PCDHA12: variants seen among roughly 807,000 people sequenced by gnomAD.
The protein encoded by PCDHA12 is protocadherin alpha-12.
Under a neutral mutation model 60.0 loss-of-function variants are expected in PCDHA12, and 44 were observed. That is an observed-to-expected ratio of 0.73 (90% CI 0.58 to 0.94). PCDHA12 has a LOEUF of 0.94. PCDHA12 is among the 40% of genes least tolerant of loss of function. The probability of loss-of-function intolerance (pLI) is 0.00; values close to 1 mark genes in which losing one functional copy is unlikely to be tolerated. For synonymous variants in PCDHA12, 569 were observed against 553.0 expected (o/e 1.03, Z -0.40); for missense variants, 1,276 against 1,239.7 (o/e 1.03, Z -0.44).
At chr5:140,980,094 TA>T (rs1554241421) in intron 2 of PCDHA12, among the ~76,000 whole-genome samples, 1 of 152,218 alleles carries the variant, frequency 6.6e-6, no homozygotes, top group African/African-American at 2.4e-5. Context: ...GTTGGCTTGG[TA>T]AGATGTCACA....
chr5:140,962,339 G>A (rs1454430913), intron 1 of PCDHA12, among the ~76,000 whole-genome samples: 1 of 152,152 alleles, frequency 6.6e-6, no homozygotes, highest in Non-Finnish European at 1.5e-5. Flanking sequence ...TGATAAAGAA[G>A]TAAAACTCCC....
At chr5:140,894,506 A>G (rs533835142) in intron 1 of PCDHA12, among the ~76,000 whole-genome samples, 2 of 151,922 alleles carry the variant, frequency 1.3e-5, no homozygotes, top group Non-Finnish European at 2.9e-5. Flanking sequence ...GGCATTATCC[A>G]TAGTGTTTAT....
intron 2 of PCDHA12, among the ~76,000 whole-genome samples, chr5:140,979,453 A>G (rs2096852067): frequency 6.6e-6 from 1 of 151,906 alleles, no homozygotes; most frequent in Admixed American, 6.6e-5. Flanking sequence ...TATTACCCTC[A>G]ATAATTGATT....
chr5:141,010,152 T>C lies in PCDHA12; in HGVS notation c.*215T>C. The C allele has an allele frequency of 1.3e-6, 2 of 1,575,858 alleles. No individual in the cohort carries two copies. The highest frequency in any genetic ancestry group is 1.7e-6 in the Non-Finnish European group (2 of 1,159,570). On this transcript the variant is annotated 3_prime_UTR_variant, in exon 4 of 4. Coordinates refer to ENST00000398631, the MANE Select transcript of PCDHA12 (RefSeq NM_018903.4). ...TGGTGTTAACTCTTTCTCTCCACTCTGGCTTGTTTTCAGAACCTAAAAAGC... is the reference window on the plus strand; with the variant it reads ...TGGTGTTAACTCTTTCTCTCCACTCCGGCTTGTTTTCAGAACCTAAAAAGC...
chr5:140,899,584 G>A (rs2153464513), intron 1 of PCDHA12, among the ~76,000 whole-genome samples: 1 of 152,292 alleles, frequency 6.6e-6, no homozygotes, highest in African/African-American at 2.4e-5. Flanking sequence ...CGGTTTGCCA[G>A]TATTTTATTG....
At chr5:140,881,143 A>G (rs1554171794) in intron 1 of PCDHA12, among the ~76,000 whole-genome samples, 1 of 152,228 alleles carries the variant, frequency 6.6e-6, no homozygotes, top group Non-Finnish European at 1.5e-5. Flanking sequence ...AGTTATAACA[A>G]TAGATAAAAG....
rs376607115 is a variant in PCDHA12 at position 141,006,474 on chromosome 5, A to G, written c.2516-3153A>G. Among the ~76,000 whole-genome samples, 193 of 152,188 alleles carry G rather than the reference A, an allele frequency of 1.3e-3. 1 individual carries two copies. The highest frequency in any genetic ancestry group is 4.5e-3 in the African/African-American group (185 of 41,520). ...GAGATCTGCCTGTCTCGGCCTCCCA[A>G]AGTGCTGGGATTACATGTGTGAGCC... On this transcript the variant is annotated intron_variant, in intron 3 of 3. Transcript: ENST00000398631.
chr5:140,951,543 C>CG (rs1201907714), intron 1 of PCDHA12, among the ~76,000 whole-genome samples: 2 of 151,428 alleles, frequency 1.3e-5, no homozygotes. Flanking sequence ...GAGCAAGGGA[C>CG]GGGGGGAAGT....
At chr5:140,957,194 G>A (rs2095341106) in intron 1 of PCDHA12, among the ~76,000 whole-genome samples, 1 of 152,012 alleles carries the variant, frequency 6.6e-6, no homozygotes, top group Non-Finnish European at 1.5e-5. Context: ...TGACCGATTG[G>A]GAATATAAAT....
chr5:140,899,402 G>T (rs1465071147), intron 1 of PCDHA12, among the ~76,000 whole-genome samples: 2 of 152,004 alleles, frequency 1.3e-5, no homozygotes, highest in South Asian at 2.1e-4. Context: ...TAGCATGAAG[G>T]GTTGTTGAAT....
chr5:140,943,522 G>T (rs2093513187), intron 1 of PCDHA12, among the ~76,000 whole-genome samples: 1 of 152,144 alleles, frequency 6.6e-6, no homozygotes, highest in Non-Finnish European at 1.5e-5. Flanking sequence ...GTTGAGTTCA[G>T]TATGCAAAAT....
intron 1 of PCDHA12, among the ~76,000 whole-genome samples, chr5:140,897,014 A>G (rs545411496): frequency 1.3e-3 from 202 of 152,284 alleles, no homozygotes; most frequent in Non-Finnish European, 2.0e-3. Context: ...TAAATATACA[A>G]CTAAATTATT....
intron 1 of PCDHA12, among the ~76,000 whole-genome samples, chr5:140,956,813 T>C (rs1306502330): frequency 6.6e-6 from 1 of 152,176 alleles, no homozygotes; most frequent in African/African-American, 2.4e-5. Context: ...TATTATTGCT[T>C]CAATTTGTAA....
chr5:140,943,529 A>C (rs1291911076), intron 1 of PCDHA12, among the ~76,000 whole-genome samples: 1 of 152,220 alleles, frequency 6.6e-6, no homozygotes, highest in Non-Finnish European at 1.5e-5. Flanking sequence ...TCAGTATGCA[A>C]AATGTCATGT....
intron 1 of PCDHA12, among the ~76,000 whole-genome samples, chr5:140,950,508 C>T (rs1442075303): frequency 6.6e-6 from 1 of 152,016 alleles, no homozygotes; most frequent in African/African-American, 2.4e-5. Context: ...TCATTATTCC[C>T]TGTGTGCGAT....
chr5:140,953,187 T>A (rs2094856489), intron 1 of PCDHA12, among the ~76,000 whole-genome samples: 1 of 152,148 alleles, frequency 6.6e-6, no homozygotes, highest in South Asian at 2.1e-4. Flanking sequence ...AGAATAAACT[T>A]GATTAGACTA....
chr5:140,975,207 G>A (rs2096658071), intron 1 of PCDHA12, among the ~76,000 whole-genome samples: 1 of 152,180 alleles, frequency 6.6e-6, no homozygotes. Flanking sequence ...CTTCATGGCT[G>A]GCACTGGAGA....
At chr5:140,932,549 C>T (rs1222820851) in intron 1 of PCDHA12, among the ~76,000 whole-genome samples, 1 of 151,864 alleles carries the variant, frequency 6.6e-6, no homozygotes, top group African/African-American at 2.4e-5. Context: ...ATTTAACATA[C>T]ATTCCACAAG....
In PCDHA12 at chr5:140,959,884, G is replaced by A. The variant is rs141989766; in HGVS notation, c.2368-19065G>A. On this transcript the variant is annotated intron_variant, in intron 1 of 3. Coordinates refer to ENST00000398631, the MANE Select transcript of PCDHA12 (RefSeq NM_018903.4). ...TAGCAAAATCTGTCAAGGAATACAC[G>A]AGTGGGATTTATATCAGAAAAATCA... Among the ~76,000 whole-genome samples, 570 of 152,254 alleles carry A rather than the reference G, an allele frequency of 3.7e-3. 1 individual carries two copies. The highest frequency in any genetic ancestry group is 6.9e-3 in the Non-Finnish European group (471 of 68,018).
Sources: gnomAD v4.1 joint callset for allele counts (sites outside exome capture counted in the v4.1 genomes callset) on GRCh38, gnomAD v4.1.1 for gene constraint, MANE v1.5 for transcripts, NCBI Gene and HGNC (gene_info 2026-07-23, HGNC 2026-07-21) for gene names.